Variants in GMDS observed in about 807,000 individuals in gnomAD.
The protein encoded by GMDS is GDP-mannose 4,6 dehydratase.
In GMDS, 20 loss-of-function variants were observed where a neutral mutation model predicts 49.9. That is an observed-to-expected ratio of 0.40 (90% CI 0.28 to 0.58). The LOEUF is 0.58. Among genes scored for constraint, GMDS ranks in the 20% least tolerant of loss-of-function variants. GMDS has a pLI of 0.42. For missense variants in GMDS, 362 were observed against 481.4 expected, an observed-to-expected ratio of 0.75 and a Z score of 2.32; for synonymous variants, 177 against 178.6, an observed-to-expected ratio of 0.99 and a Z score of 0.07.
At chr6:2,214,949 TGAAGAA>T (rs1350160746) in intron 1 of GMDS, among the ~76,000 whole-genome samples, 1 of 152,186 alleles carries the variant, frequency 6.6e-6, no homozygotes, top group East Asian at 1.9e-4. Flanking sequence ...TGATATTACA[TGAAGAA>T]AACCAAGACA....
chr6:1,776,050 C>A (rs751225164), intron 7 of GMDS, among the ~76,000 whole-genome samples: 1 of 152,148 alleles, frequency 6.6e-6, no homozygotes, highest in Admixed American at 6.5e-5. Context: ...GCACTGCTAC[C>A]GTCGTGGAAT....
chr6:2,115,860 C>G lies in GMDS; in HGVS notation c.256G>C (p.Asp86His), dbSNP rs1562069132. The part of the protein sequence containing the change: ...IEGNMKLHYG[D>H]LTDSTCLVKI... ...ACAAGGCAGGTACTGTCAGTGAGATCGCCATAGTGCAACTTCATGTCTTCA... is the reference window on the plus strand; with the variant it reads ...ACAAGGCAGGTACTGTCAGTGAGATGGCCATAGTGCAACTTCATGTCTTCA... Residue 86 changes from aspartate to histidine, a missense_variant, in exon 4 of 11, where the codon GAT becomes CAT. Coordinates refer to ENST00000380815, the MANE Select transcript of GMDS (RefSeq NM_001500.4). The G allele has an allele frequency of 6.3e-7, 1 of 1,594,846 alleles. No individual in the cohort carries two copies. The highest frequency in any genetic ancestry group is 8.6e-7 in the Non-Finnish European group (1 of 1,162,918).
At chr6:2,157,549 A>T (rs1457170538) in intron 1 of GMDS, among the ~76,000 whole-genome samples, 1 of 152,162 alleles carries the variant, frequency 6.6e-6, no homozygotes, top group Non-Finnish European at 1.5e-5. Context: ...CAGCATCCAG[A>T]TGTTGCCTTA....
intron 7 of GMDS, among the ~76,000 whole-genome samples, chr6:1,853,052 T>C (rs1757761335): frequency 6.6e-6 from 1 of 152,030 alleles, no homozygotes; most frequent in East Asian, 1.9e-4. Context: ...CTCATTTCTG[T>C]CCTTGTTGAG....
chr6:2,060,591 A>T (rs1771088536), intron 4 of GMDS, among the ~76,000 whole-genome samples: 1 of 152,214 alleles, frequency 6.6e-6, no homozygotes, highest in Non-Finnish European at 1.5e-5. Context: ...TGTGGGAAGA[A>T]TAAACAACAG....
At chr6:1,681,331 T>C (rs1394201943) in intron 9 of GMDS, among the ~76,000 whole-genome samples, 1 of 152,184 alleles carries the variant, frequency 6.6e-6, no homozygotes, top group African/African-American at 2.4e-5. Flanking sequence ...GACATCTTAC[T>C]ACAGATTCTG....
chr6:1,969,290 AGAGAAAGAAAG>A (rs1764464309), intron 4 of GMDS, among the ~76,000 whole-genome samples: 1 of 58,632 alleles, frequency 1.7e-5, no homozygotes, highest in African/African-American at 5.5e-5. Context: ...AAAAAAAAAA[AGAGAAAGAAAG>A]AAAAAAAGAA....
chr6:1,695,393 A>G (rs1765303509), intron 9 of GMDS, among the ~76,000 whole-genome samples: 1 of 152,212 alleles, frequency 6.6e-6, no homozygotes, highest in African/African-American at 2.4e-5. Flanking sequence ...CTACAAAATC[A>G]TAGTTATCTT....
At chr6:2,036,303 G>A (rs1769303506) in intron 4 of GMDS, among the ~76,000 whole-genome samples, 1 of 152,060 alleles carries the variant, frequency 6.6e-6, no homozygotes, top group Admixed American at 6.5e-5. Flanking sequence ...GGTCTTGGCT[G>A]GATAAAGATC....
chr6:2,031,493 A>AC (rs1004547603), intron 4 of GMDS, among the ~76,000 whole-genome samples: 1 of 152,078 alleles, frequency 6.6e-6, no homozygotes, highest in Non-Finnish European at 1.5e-5. Context: ...GCTTAGAGAA[A>AC]AAAAAAAAAA....
intron 1 of GMDS, among the ~76,000 whole-genome samples, chr6:2,192,198 C>T (rs1003396798): frequency 6.6e-6 from 1 of 151,954 alleles, no homozygotes; most frequent in African/African-American, 2.4e-5. Context: ...GACAGCTGAA[C>T]ACTTGTTGGG....
intron 7 of GMDS, among the ~76,000 whole-genome samples, chr6:1,899,160 G>A (rs1760371719): frequency 6.6e-6 from 1 of 152,122 alleles, no homozygotes; most frequent in South Asian, 2.1e-4. Flanking sequence ...TGTCTGGGGA[G>A]CTGGTAAGAT....
chr6:2,033,296 G>A lies in GMDS; in HGVS notation c.346-72330C>T, dbSNP rs1259453978. Among the ~76,000 whole-genome samples the A allele has an allele frequency of 2.0e-5, 3 of 152,172 alleles. No homozygotes were observed. The East Asian group carries it at 5.8e-4, about 29-fold the overall frequency. ...TTAGGAGTAAAGAAGGCAGCAAGAA[G>A]TTTCCAAAGTATCATGTTATACTGC... On this transcript the variant is annotated intron_variant, in intron 4 of 10. Transcript: ENST00000380815.
intron 7 of GMDS, among the ~76,000 whole-genome samples, chr6:1,744,194 T>A (rs1767396420): frequency 6.6e-6 from 1 of 152,204 alleles, no homozygotes; most frequent in Non-Finnish European, 1.5e-5. Context: ...TGTTTTTGTA[T>A]TTTTGGTCTA....
intron 4 of GMDS, among the ~76,000 whole-genome samples, chr6:1,987,197 G>A (rs1258162172): frequency 6.6e-6 from 1 of 152,076 alleles, no homozygotes; most frequent in Non-Finnish European, 1.5e-5. Context: ...TAAAAAGATA[G>A]CCCATTCATA....
At chr6:1,763,890 G>A (rs1768250917) in intron 7 of GMDS, among the ~76,000 whole-genome samples, 1 of 152,186 alleles carries the variant, frequency 6.6e-6, no homozygotes, top group African/African-American at 2.4e-5. Flanking sequence ...GGGCACAGGT[G>A]GAGGGCTCCC....
At chr6:1,834,523 TTTA>T (rs1230800588) in intron 7 of GMDS, among the ~76,000 whole-genome samples, 2 of 152,168 alleles carry the variant, frequency 1.3e-5, no homozygotes, top group African/African-American at 2.4e-5. Flanking sequence ...AACAAAATCC[TTTA>T]TTTACAGTGC....
At chr6:2,145,755 A>T (rs79934538) in intron 1 of GMDS, among the ~76,000 whole-genome samples, 2 of 152,150 alleles carry the variant, frequency 1.3e-5, no homozygotes, top group South Asian at 4.1e-4. Flanking sequence ...GATGATTTAA[A>T]GTATACGGAG....
rs554936857 is a variant in GMDS at position 1,755,156 on chromosome 6, T to G, written c.772-12570A>C. ...CCCACTGTCTCAGCCCAAAATCTCCTTAAGCTCATAAGCAACTTCAGCAAA... is the reference window on the plus strand; with the variant it reads ...CCCACTGTCTCAGCCCAAAATCTCCGTAAGCTCATAAGCAACTTCAGCAAA... On this transcript the variant is annotated intron_variant, in intron 7 of 10. Transcript: ENST00000380815. Among the ~76,000 whole-genome samples the G allele has an allele frequency of 5.3e-5, 8 of 152,292 alleles. No individual in the cohort carries two copies. The East Asian group carries it at 1.5e-3, about 29-fold the overall frequency.
Sources: allele counts gnomAD v4.1 joint callset (sites outside exome capture counted in the v4.1 genomes callset), GRCh38; gene constraint gnomAD v4.1.1; transcripts MANE v1.5; gene names NCBI Gene and HGNC (gene_info 2026-07-23, HGNC 2026-07-21).